The following CA3 variants were observed in gnomAD, a reference collection of about 807,000 sequenced individuals.
CA3 encodes the protein carbonic anhydrase 3.
A neutral mutation model predicts 35.7 loss-of-function variants in CA3; 30 were observed. That is an observed-to-expected ratio of 0.84 (90% CI 0.63 to 1.14). CA3 has a LOEUF of 1.14. Among genes scored for constraint, CA3 ranks in the 50% most tolerant of loss-of-function variants. The pLI is 0.00. For synonymous variants in CA3, 131 were observed against 130.8 expected (o/e 1.00, Z -0.01); for missense variants, 295 against 328.5 (o/e 0.90, Z 0.79).
At chr8:85,443,020 A>C (rs1416396922) in intron 3 of CA3, among the ~76,000 whole-genome samples, 5 of 152,224 alleles carry the variant, frequency 3.3e-5, no homozygotes, top group Admixed American at 3.3e-4. Flanking sequence ...AGTGCTCTAA[A>C]AATAGCATTT....
At chr8:85,440,990 T>C (rs986106514) in intron 2 of CA3, among the ~76,000 whole-genome samples, 8 of 152,226 alleles carry the variant, frequency 5.3e-5, no homozygotes, top group Non-Finnish European at 1.2e-4. Flanking sequence ...GTCAATTTCA[T>C]ATAGTTTCTT....
chr8:85,445,278 A>G, intron 5 of CA3, 60 bp downstream of exon 5: 1 of 1,154,292 alleles, frequency 8.7e-7, no homozygotes, highest in South Asian at 1.4e-5. Context: ...TTTTCTTTAC[A>G]TATTTTCAAG....
Position 85,439,696 on chromosome 8 carries a change from C to T in CA3, c.35-16C>T, listed in dbSNP as rs1811179783. 6.3e-7 allele frequency: 1 copy of T among 1,597,948 alleles called. No homozygotes were observed. The highest frequency in any genetic ancestry group is 8.6e-7 in the Non-Finnish European group (1 of 1,167,712). ...GTGCCACCAAATAAATACATCTCCT[C>T]GACTTTATTTCCTAGGTCCTGACCA... is the stretch of plus-strand genomic sequence containing the variant. On this transcript the variant is annotated splice_polypyrimidine_tract_variant and intron_variant, in intron 1 of 6. Transcript: ENST00000285381.
chr8:85,445,274 T>C lies in CA3; in HGVS notation c.507+56T>C, dbSNP rs1430348255. The C allele has an allele frequency of 2.5e-6, 3 of 1,185,336 alleles. No homozygotes were observed. The Admixed American group carries it at 6.5e-5, about 26-fold the overall frequency. 73.4% of individuals were successfully genotyped at this position (1,185,336 alleles called of 1,614,324 possible). ...ATAAAGCAGATTATGCAGATTTTCT[T>C]TACATATTTTCAAGTATTTTTTTCA... is the stretch of plus-strand genomic sequence containing the variant. On this transcript the variant is annotated intron_variant, in intron 5 of 6. Coordinates refer to ENST00000285381, the MANE Select transcript of CA3 (RefSeq NM_005181.4).
intron 4 of CA3, among the ~76,000 whole-genome samples, chr8:85,444,356 C>G (rs927011582): frequency 6.8e-5 from 10 of 147,900 alleles, no homozygotes; most frequent in Admixed American, 2.8e-4. Context: ...TAAATTTTCC[C>G]CAGATGTGGG....
intron 6 of CA3, 69 bp from the exon 7 acceptor site, chr8:85,447,965 C>A: frequency 3.4e-6 from 5 of 1,476,624 alleles, no homozygotes; most frequent in Non-Finnish European, 4.6e-6. Flanking sequence ...AGTATTTATA[C>A]CTCTTTGTCA....
At chr8:85,443,938 C>A in intron 3 of CA3, 96 bp from the exon 4 acceptor site, 1 of 893,040 alleles carries the variant, frequency 1.1e-6, no homozygotes, top group Non-Finnish European at 1.9e-6. Context: ...GCTCAGCAAC[C>A]TTAGCCTGTA....
At chr8:85,447,256 A>C (rs367782247) in intron 6 of CA3, among the ~76,000 whole-genome samples, 21 of 152,170 alleles carry the variant, frequency 1.4e-4, no homozygotes, top group African/African-American at 5.1e-4. Flanking sequence ...AAGAAAAGTC[A>C]ATTTAAAATT....
At chr8:85,442,713 G>A (rs567197252) in intron 3 of CA3, among the ~76,000 whole-genome samples, 9 of 151,974 alleles carry the variant, frequency 5.9e-5, no homozygotes, top group East Asian at 5.8e-4. Context: ...ACCCTGTCTC[G>A]AAAAAAGAAA....
At chr8:85,441,493 A>T (rs1324436578) in intron 2 of CA3, among the ~76,000 whole-genome samples, 1 of 152,244 alleles carries the variant, frequency 6.6e-6, no homozygotes. Flanking sequence ...TGGAAGCAAC[A>T]CGTGGAGAAG....
At chr8:85,442,882 A>C (rs1811226792) in intron 3 of CA3, among the ~76,000 whole-genome samples, 1 of 152,230 alleles carries the variant, frequency 6.6e-6, no homozygotes, top group African/African-American at 2.4e-5. Context: ...ATGAGGAAAC[A>C]GAAGGCATAG....
chr8:85,440,413 G>A (rs1369157076), intron 2 of CA3, among the ~76,000 whole-genome samples: 1 of 152,178 alleles, frequency 6.6e-6, no homozygotes, highest in African/African-American at 2.4e-5. Context: ...GTGTCAAGAT[G>A]ACTTGCCTTC....
Position 85,439,847 on chromosome 8 carries a change from A to C in CA3, c.170A>C (p.Lys57Thr). The change falls in exon 2 of 7, where the codon AAG becomes ACG. Residue 57 changes from lysine to threonine, a missense_variant. Lys to Thr is a moderately conservative substitution (Grantham distance 78, BLOSUM62 -1). Transcript: ENST00000285381. ...GTGTCTTATGATGGTGGCTCTGCCA[A>C]GACCATCCTGAATAATGGGAAGACC... The part of the protein sequence containing the change: ...WSVSYDGGSA[K>T]TILNNGKTCR... 6.2e-7 allele frequency: 1 copy of C among 1,614,054 alleles called. No individual in the cohort carries two copies. The highest frequency in any genetic ancestry group is 8.5e-7 in the Non-Finnish European group (1 of 1,180,016).
chr8:85,445,197 A>G lies in CA3; in HGVS notation c.486A>G (p.Ala162=), dbSNP rs1811267129. 3 of 1,605,538 alleles carry G rather than the reference A, an allele frequency of 1.9e-6. No homozygotes were observed. The highest frequency in any genetic ancestry group is 2.6e-6 in the Non-Finnish European group (3 of 1,174,052). ...ENGEFQIFLD[A]LDKIKTKGKE... is the part of the protein sequence containing the mutation. ...GCGAGTTCCAGATTTTCCTTGATGC[A>G]TTGGACAAGATTAAGACAAAGGTAA... The change falls in exon 5 of 7, where the codon GCA becomes GCG. Residue 162 remains alanine (A), a synonymous_variant. Coordinates refer to ENST00000285381, the MANE Select transcript of CA3 (RefSeq NM_005181.4).
At chr8:85,439,605 T>G (rs1382105688) in intron 1 of CA3, 107 bp from the exon 2 acceptor site, 2 of 730,200 alleles carry the variant, frequency 2.7e-6, no homozygotes, top group Non-Finnish European at 4.5e-6. Flanking sequence ...CTAAGACCTT[T>G]TTGAAATCAC....
chr8:85,445,831 A>C (rs1811280902), intron 5 of CA3, among the ~76,000 whole-genome samples: 6 of 152,222 alleles, frequency 3.9e-5, no homozygotes, highest in Admixed American at 3.9e-4. Flanking sequence ...ACTTATATTA[A>C]ATAATTCAAT....
rs112379164 is a variant in CA3, at chr8:85,444,336, CT to C, written c.444+211del. Among the ~76,000 whole-genome samples the C allele has an allele frequency of 4.4e-3, 674 of 152,036 alleles. 6 individuals are homozygous for C. Among genetic ancestry groups the C allele is most frequent in the African/African-American group, 0.015 (635 of 41,528 alleles). On this transcript the variant is annotated intron_variant, in intron 4 of 6. Coordinates refer to ENST00000285381, the MANE Select transcript of CA3 (RefSeq NM_005181.4). Reference sequence around the variant, plus strand: ...TATCTTTTACCACACTCCAGGACCCCTAGCACTTCTAAATTTTCCCCAGATG... The same window carrying C: ...TATCTTTTACCACACTCCAGGACCCCAGCACTTCTAAATTTTCCCCAGATG...
intron 5 of CA3, 137 bp downstream of exon 5, chr8:85,445,355 T>C: frequency 1.8e-6 from 1 of 570,472 alleles, no homozygotes; most frequent in Middle Eastern, 4.3e-4. Flanking sequence ...TAAAAATAAA[T>C]GCTATTATAT....
At chr8:85,443,013 G>C (rs1228429079) in intron 3 of CA3, among the ~76,000 whole-genome samples, 1 of 152,102 alleles carries the variant, frequency 6.6e-6, no homozygotes, top group Non-Finnish European at 1.5e-5. Flanking sequence ...AGAATATAGT[G>C]CTCTAAAAAT....
Sources: gnomAD v4.1 joint callset for allele counts (sites outside exome capture counted in the v4.1 genomes callset) on GRCh38, gnomAD v4.1.1 for gene constraint, MANE v1.5 for transcripts, NCBI Gene and HGNC (gene_info 2026-07-23, HGNC 2026-07-21) for gene names.